ELAC1: variants seen among roughly 807,000 people sequenced by gnomAD.
ELAC1 encodes the protein zinc phosphodiesterase ELAC protein 1.
A neutral mutation model predicts 25.8 loss-of-function variants in ELAC1; 19 were observed. The observed-to-expected ratio is 0.74, with a 90% CI of 0.51 to 1.08. ELAC1 has a LOEUF of 1.08. ELAC1 is among the 50% of genes least tolerant of loss of function. ELAC1 has a pLI of 0.00. For missense variants in ELAC1, 403 were observed against 434.6 expected (o/e 0.93, Z 0.65); for synonymous variants, 148 against 160.9 (o/e 0.92, Z 0.61).
intron 3 of ELAC1, among the ~76,000 whole-genome samples, chr18:50,985,142 T>C (rs1033298004): frequency 2.6e-5 from 4 of 152,210 alleles, no homozygotes; most frequent in African/African-American, 9.6e-5. Flanking sequence ...CACCTTATAC[T>C]ATCTTGGTTG....
intron 2 of ELAC1, among the ~76,000 whole-genome samples, chr18:50,981,467 C>A (rs1350920135): frequency 6.6e-6 from 1 of 151,974 alleles, no homozygotes; most frequent in Admixed American, 6.6e-5. Flanking sequence ...CCTATGTCTT[C>A]ATTTTTAGAG....
chr18:50,970,260 T>G (rs1907616484), intron 1 of ELAC1, among the ~76,000 whole-genome samples: 2 of 152,182 alleles, frequency 1.3e-5, no homozygotes, highest in Non-Finnish European at 2.9e-5. Context: ...TGACCTTCAC[T>G]GATATGTTTT....
intron 2 of ELAC1, among the ~76,000 whole-genome samples, chr18:50,979,165 G>T (rs979939277): frequency 6.6e-6 from 1 of 152,182 alleles, no homozygotes; most frequent in African/African-American, 2.4e-5. Flanking sequence ...TTTAATACTT[G>T]TGTTAGTTAT....
chr18:50,975,715 A>G (rs578052133), intron 2 of ELAC1, among the ~76,000 whole-genome samples: 1 of 152,114 alleles, frequency 6.6e-6, no homozygotes, highest in Non-Finnish European at 1.5e-5. Flanking sequence ...TAAAGGAAAG[A>G]TACTTCTAGT....
At chr18:50,974,230 T>C (rs1907735002) in intron 1 of ELAC1, among the ~76,000 whole-genome samples, 167 bp from the exon 2 acceptor site, 1 of 152,254 alleles carries the variant, frequency 6.6e-6, no homozygotes. Context: ...CTTGTAGTTT[T>C]AGCCAAGTTA....
intron 2 of ELAC1, among the ~76,000 whole-genome samples, chr18:50,981,839 A>G (rs2144320034): frequency 7.0e-6 from 1 of 142,546 alleles, no homozygotes; most frequent in South Asian, 2.2e-4. Context: ...TGACTGCTAT[A>G]GTTCTTTTTT....
chr18:50,984,428 T>G lies in ELAC1; in HGVS notation c.490T>G (p.Ser164Ala). 2 of 1,613,988 alleles carry G rather than the reference T, an allele frequency of 1.2e-6. No individual in the cohort carries two copies. Among genetic ancestry groups the G allele is most frequent in the South Asian group, 2.2e-5 (2 of 91,084 alleles). ...RTILLDSEENSYLLFDDEQFV... is the reference protein window; with the variant it reads ...RTILLDSEENAYLLFDDEQFV... ...TATCCTGTTAGACTCAGAAGAAAAC[T>G]CATACCTTCTGTTTGATGATGAACA... Residue 164 changes from serine (S) to alanine (A), a missense_variant, in exon 3 of 4, where the codon TCA becomes GCA. Ser to Ala is a moderately conservative substitution (Grantham distance 99, BLOSUM62 1). Transcript: ENST00000269466.
intron 1 of ELAC1, among the ~76,000 whole-genome samples, chr18:50,970,109 A>G (rs1165204652): frequency 6.6e-6 from 1 of 152,140 alleles, no homozygotes; most frequent in Non-Finnish European, 1.5e-5. Flanking sequence ...CTACAGGTGT[A>G]TGCCACCATG....
chr18:50,983,417 G>A (rs899807348), intron 2 of ELAC1, among the ~76,000 whole-genome samples: 3 of 151,672 alleles, frequency 2.0e-5, no homozygotes, highest in East Asian at 1.9e-4. Context: ...CTCCTGCCTC[G>A]GTCTCCCAAA....
intron 1 of ELAC1, chr18:50,969,687 A>G (rs1907596527): frequency 6.6e-6 from 1 of 152,254 alleles, no homozygotes; most frequent in Non-Finnish European, 1.5e-5. Context: ...ATCAGACAGC[A>G]CACCGTTTGT....
chr18:50,987,063 T>C lies in ELAC1; in HGVS notation c.1070T>C (p.Ile357Thr). 1 of 1,548,360 alleles carries C rather than the reference T, an allele frequency of 6.5e-7. No homozygotes were observed. Among genetic ancestry groups the C allele is most frequent in the Non-Finnish European group, 8.7e-7 (1 of 1,147,148 alleles). Residue 357 changes from isoleucine (I) to threonine (T), a missense_variant, in exon 4 of 4, where the codon ATA becomes ACA. Transcript: ENST00000269466. ...EVTLAEDFMV[I>T]SIPIKK ...ACTCTAGCAGAAGATTTTATGGTGA[T>C]AAGCATTCCAATCAAGAAATGAAAC...
intron 1 of ELAC1, among the ~76,000 whole-genome samples, chr18:50,971,908 GTGTGTATATA>G (rs58070012): frequency 0.26 from 32,963 of 126,608 alleles, 4,676 homozygotes; most frequent in East Asian, 0.36. Context: ...GTGTGTGTGT[GTGTGTATATA>G]TATATATATA....
chr18:50,984,211 T>G lies in ELAC1; in HGVS notation c.273T>G (p.Ile91Met), dbSNP rs766756420. The change falls in exon 3 of 4, where the codon ATT becomes ATG. Residue 91 changes from isoleucine (I) to methionine (M), a missense_variant. Transcript: ENST00000269466. ...GCTCCATGGTGTCCAAACAGCCTAT[T>G]GAAATCTATGGCCCTGTAGGGCTTC... Reference protein sequence around the residue: ...QSGSMVSKQPIEIYGPVGLRD... With the variant: ...QSGSMVSKQPMEIYGPVGLRD... 6.2e-7 allele frequency: 1 copy of G among 1,614,190 alleles called. No individual in the cohort carries two copies.
At chr18:50,974,629 T>C (rs549301117) in intron 2 of ELAC1, 68 bp downstream of exon 2, 97 of 1,495,618 alleles carry the variant, frequency 6.5e-5, no homozygotes, top group Non-Finnish European at 8.4e-5. Flanking sequence ...TGGCTCTCCT[T>C]GGACATTTTG....
chr18:50,982,443 C>T (rs1907977621), intron 2 of ELAC1, among the ~76,000 whole-genome samples: 1 of 152,166 alleles, frequency 6.6e-6, no homozygotes, highest in Non-Finnish European at 1.5e-5. Flanking sequence ...TATTCCTGTT[C>T]TTTTATGGTA....
chr18:50,974,436 G>A lies in ELAC1; in HGVS notation c.32G>A (p.Gly11Asp), dbSNP rs774173254. The change falls in exon 2 of 4, where the codon GGT becomes GAT. Residue 11 changes from glycine (G) to aspartate (D), a missense_variant. Coordinates refer to ENST00000269466, the MANE Select transcript of ELAC1 (RefSeq NM_018696.3). MSMDVTFLGT[G>D]AAYPSPTRGA... ...ATGGATGTGACATTCCTGGGGACGGGTGCAGCATACCCATCTCCAACCCGG... is the reference window on the plus strand; with the variant it reads ...ATGGATGTGACATTCCTGGGGACGGATGCAGCATACCCATCTCCAACCCGG... 2 of 1,571,304 alleles carry A rather than the reference G, an allele frequency of 1.3e-6. No individual in the cohort carries two copies. Among genetic ancestry groups the A allele is most frequent in the Admixed American group, 1.9e-5 (1 of 53,260 alleles).
intron 1 of ELAC1, among the ~76,000 whole-genome samples, chr18:50,970,709 AT>A (rs1485805649): frequency 7.3e-5 from 11 of 151,590 alleles, no homozygotes; most frequent in African/African-American, 1.9e-4. Flanking sequence ...AAAAAAAAAA[AT>A]CATCAGCATT....
In ELAC1 at chr18:50,987,840, A is replaced by C. The variant is rs1388035866; in HGVS notation, c.*755A>C. The C allele has an allele frequency of 6.6e-6, 1 of 151,972 alleles. No individual in the cohort carries two copies. Among genetic ancestry groups the C allele is most frequent in the Non-Finnish European group, 1.5e-5 (1 of 67,990 alleles). 9.4% of individuals were successfully genotyped at this position (151,972 alleles called of 1,614,324 possible). A position where few individuals can be genotyped will look rare whatever the true frequency, so the allele number is the denominator to read the frequency against. On this transcript the variant is annotated 3_prime_UTR_variant, in exon 4 of 4. Coordinates refer to ENST00000269466, the MANE Select transcript of ELAC1 (RefSeq NM_018696.3). ...GTCATATACAATAAAGAATCATCTC[A>C]CCCCGAAATGCAAATTGCAGGCCCA...
chr18:50,975,549 G>T (rs1473756036), intron 2 of ELAC1, among the ~76,000 whole-genome samples: 1 of 151,010 alleles, frequency 6.6e-6, no homozygotes, highest in East Asian at 2.0e-4. Context: ...GTTCAACTAG[G>T]CATCTACTAA....
Sources: allele counts gnomAD v4.1 joint callset (sites outside exome capture counted in the v4.1 genomes callset), GRCh38; gene constraint gnomAD v4.1.1; transcripts MANE v1.5; gene names NCBI Gene and HGNC (gene_info 2026-07-23, HGNC 2026-07-21).